Variants in NPIPB4 observed in about 807,000 individuals in gnomAD.
NPIPB4 encodes nuclear pore complex-interacting protein family member B4.
For synonymous variants in NPIPB4, 31 were observed against 194.1 expected (o/e 0.16, Z 6.99); for missense variants, 105 against 513.7 (o/e 0.20, Z 7.69).
intron 2 of NPIPB4, among the ~76,000 whole-genome samples, chr16:21,850,276 TAAATA>T (rs1331134461): frequency 6.8e-6 from 1 of 147,904 alleles, no homozygotes; most frequent in African/African-American, 2.4e-5. Flanking sequence ...AATAAATAAA[TAAATA>T]AAATAATGTA....
intron 5 of NPIPB4, among the ~76,000 whole-genome samples, chr16:21,843,164 C>T (rs1396242674): frequency 7.6e-6 from 1 of 130,870 alleles, no homozygotes; most frequent in Non-Finnish European, 1.6e-5. Context: ...AAACCAATGC[C>T]AGTACTAGCA....
In NPIPB4 at chr16:21,847,661, T is replaced by TGTAG. The variant is rs1408073908; in HGVS notation, c.121-121_121-120insCTAC. The TGTAG allele has an allele frequency of 2.1e-4, 181 of 861,026 alleles. 2 individuals are homozygous for TGTAG. Among genetic ancestry groups the TGTAG allele is most frequent in the Admixed American group, 8.1e-4 (29 of 35,944 alleles). 53.3% of individuals were successfully genotyped at this position (861,026 alleles called of 1,614,324 possible). On this transcript the variant is annotated intron_variant, in intron 2 of 7. Transcript: ENST00000682606. ...AAAAGGTAACCACATCCCTCAGATA[T>TGTAG]CACCGTGGGATTCCACTGCTACAAA...
intron 5 of NPIPB4, among the ~76,000 whole-genome samples, chr16:21,841,891 A>G (rs1358641177): frequency 6.6e-6 from 1 of 151,408 alleles, no homozygotes; most frequent in African/African-American, 2.4e-5. Flanking sequence ...GGGTCTGCCA[A>G]TGAAAGCGAC....
chr16:21,850,678 A>G (rs1902450731), intron 2 of NPIPB4, among the ~76,000 whole-genome samples: 1 of 119,618 alleles, frequency 8.4e-6, no homozygotes, highest in Non-Finnish European at 1.7e-5. Context: ...TCTAAAAAAA[A>G]AAAAAAAAAA....
At position 21,837,383 on chromosome 16, in the gene NPIPB4, G is replaced by A. The variant is rs778996315; in HGVS notation, c.1004C>T (p.Ala335Val). 3.6e-5 allele frequency: 51 copies of A among 1,423,810 alleles called. 7 individuals carry two copies. Among genetic ancestry groups the A allele is most frequent in the Middle Eastern group, 5.4e-4 (2 of 3,708 alleles). 88.2% of individuals were successfully genotyped at this position (1,423,810 alleles called of 1,614,324 possible). ...GGGAGGTGTCTTGAGTTTATCATCC[G>A]CTGAGGGTGGAAGGGGAGTGAGGAG... is the stretch of plus-strand genomic sequence containing the variant. ...ECLLTPLPPS[A>V]DDKLKTPPEC... The change falls in exon 8 of 8, where the codon GCG becomes GTG. Residue 335 changes from alanine to valine, a missense_variant. Physicochemically the swap from Ala to Val is moderately conservative, Grantham distance 64. Coordinates refer to ENST00000682606, the MANE Select transcript of NPIPB4 (RefSeq NM_001384980.1).
At chr16:21,850,639 T>C (rs1597919222) in intron 2 of NPIPB4, among the ~76,000 whole-genome samples, 1 of 42,634 alleles carries the variant, frequency 2.3e-5, no homozygotes, top group East Asian at 7.3e-4. Flanking sequence ...GCCACTGCAC[T>C]CCAGCCTGGG....
chr16:21,850,008 T>G (rs1254262825), intron 2 of NPIPB4, among the ~76,000 whole-genome samples: 3 of 51,534 alleles, frequency 5.8e-5, no homozygotes, highest in African/African-American at 1.8e-4. Context: ...ACGCCTGTAA[T>G]CCCAACGCTT....
Position 21,841,425 on chromosome 16 carries a change from TGTG to T in NPIPB4, c.545+1958_545+1960del, listed in dbSNP as rs1265607529. Reference sequence around the variant, plus strand: ...GTGGCCTCAAACAAGGAGTGTGTGGTGTGGTGCTGAGAATGCAATGGGAGCAGG... The same window carrying T: ...GTGGCCTCAAACAAGGAGTGTGTGGTGTGCTGAGAATGCAATGGGAGCAGG... On this transcript the variant is annotated intron_variant, in intron 5 of 7. Transcript: ENST00000682606. Among the ~76,000 whole-genome samples the T allele has an allele frequency of 2.3e-3, 283 of 123,306 alleles. 2 individuals carry two copies. The highest frequency in any genetic ancestry group is 8.1e-3 in the African/African-American group (271 of 33,378). 80.9% of individuals were successfully genotyped at this position (123,306 alleles called of 152,430 possible). A position where few individuals can be genotyped will look rare whatever the true frequency, so the allele number is the denominator to read the frequency against.
intron 5 of NPIPB4, among the ~76,000 whole-genome samples, chr16:21,840,415 C>T (rs1901663733): frequency 8.0e-6 from 1 of 124,544 alleles, no homozygotes; most frequent in Non-Finnish European, 1.7e-5. Flanking sequence ...CACATTCTTT[C>T]ACGCTTAGTT....
At chr16:21,850,504 C>T (rs1466078301) in intron 2 of NPIPB4, among the ~76,000 whole-genome samples, 5 of 151,766 alleles carry the variant, frequency 3.3e-5, no homozygotes, top group East Asian at 3.8e-4. Flanking sequence ...CAAAAATTAG[C>T]CAGGCGTGGT....
In NPIPB4 at chr16:21,836,467, G is replaced by C. The variant is rs1901490753; in HGVS notation, c.1920C>G (p.Leu640=). The C allele has an allele frequency of 7.1e-7, 1 of 1,407,516 alleles. No homozygotes were observed. The highest frequency in any genetic ancestry group is 1.7e-5 in the African/African-American group (1 of 59,422). 87.2% of individuals were successfully genotyped at this position (1,407,516 alleles called of 1,614,324 possible). ...GAGGGTGGAGCTGAGGGTGGAAGGGGAGTGAGCTGACGCTCGGAAGGTGTC... is the reference window on the plus strand; with the variant it reads ...GAGGGTGGAGCTGAGGGTGGAAGGGCAGTGAGCTGACGCTCGGAAGGTGTC... ...ISRHLPSVSS[L]PFHPQLHPQQ... is the part of the protein sequence containing the mutation. Residue 640 remains leucine, a synonymous_variant, in exon 8 of 8, where the codon CTC becomes CTG. Coordinates refer to ENST00000682606, the MANE Select transcript of NPIPB4 (RefSeq NM_001384980.1).
chr16:21,842,006 G>A (rs961431112), intron 5 of NPIPB4, among the ~76,000 whole-genome samples: 82 of 151,698 alleles, frequency 5.4e-4, no homozygotes, highest in South Asian at 1.5e-3. Flanking sequence ...AGCCTGCACC[G>A]ACGACTTCAA....
intron 2 of NPIPB4, among the ~76,000 whole-genome samples, chr16:21,850,391 G>T (rs1279751967): frequency 4.0e-5 from 6 of 151,496 alleles, no homozygotes; most frequent in Non-Finnish European, 8.8e-5. Context: ...GGTGGCTCAC[G>T]CCTGTAATCC....
chr16:21,847,689 AG>A, intron 2 of NPIPB4, 148 bp from the exon 3 acceptor site: 1 of 695,454 alleles, frequency 1.4e-6, no homozygotes, highest in Non-Finnish European at 2.1e-6. Flanking sequence ...GCTACAAAAA[AG>A]AACAGAAGTT....
chr16:21,840,526 C>A lies in NPIPB4; in HGVS notation c.546-1216G>T, dbSNP rs144531959. Among the ~76,000 whole-genome samples, 318 of 150,686 alleles carry A rather than the reference C, an allele frequency of 2.1e-3. 5 individuals carry two copies. The Middle Eastern group carries it at 0.024, about 12-fold the overall frequency. On this transcript the variant is annotated intron_variant, in intron 5 of 7. Coordinates refer to ENST00000682606, the MANE Select transcript of NPIPB4 (RefSeq NM_001384980.1). The stretch of plus-strand genomic sequence containing the variant: ...ATCTGAAGGCTGTGATTCAAAGATT[C>A]CCCCCTGCAACCTTCCCACAAATGA...
intron 5 of NPIPB4, among the ~76,000 whole-genome samples, chr16:21,840,426 T>C (rs1901665215): frequency 1.5e-5 from 2 of 135,638 alleles, no homozygotes; most frequent in Non-Finnish European, 3.2e-5. Flanking sequence ...ACGCTTAGTT[T>C]CCTCAGATTA....
intron 5 of NPIPB4, among the ~76,000 whole-genome samples, chr16:21,841,898 C>T (rs1196810575): frequency 3.3e-5 from 5 of 151,530 alleles, no homozygotes; most frequent in South Asian, 2.1e-4. Context: ...CCAATGAAAG[C>T]GACCCATACT....
rs1319753364 is a variant in NPIPB4, at chr16:21,836,362, G to C, written c.2025C>G (p.His675Gln). 3.1e-6 allele frequency: 2 copies of C among 645,248 alleles called. No homozygotes were observed. Among genetic ancestry groups the C allele is most frequent in the Admixed American group, 5.8e-5 (2 of 34,576 alleles). 40.0% of individuals were successfully genotyped at this position (645,248 alleles called of 1,614,324 possible). A position where few individuals can be genotyped will look rare whatever the true frequency, so the allele number is the denominator to read the frequency against. Residue 675 changes from histidine to glutamine, a missense_variant, in exon 8 of 8, where the codon CAC (histidine) becomes CAG (glutamine). By Grantham distance (24) the His-to-Gln change is conservative (BLOSUM62 0). Coordinates refer to ENST00000682606, the MANE Select transcript of NPIPB4 (RefSeq NM_001384980.1). ...FHHQPMIISR[H>Q]LPSVSSLPFH... ...AGGGGAGTGAGCTGACGCTCGGAAG[G>C]TGTCTTGAGATTATCATCGGCTGAT... is the stretch of plus-strand genomic sequence containing the variant.
chr16:21,850,528 T>C (rs541281182), intron 2 of NPIPB4, among the ~76,000 whole-genome samples: 51 of 151,342 alleles, frequency 3.4e-4, no homozygotes, highest in Non-Finnish European at 6.0e-4. Flanking sequence ...CTACTAAAAA[T>C]ACAAAAATTA....
Sources: gnomAD v4.1 joint callset for allele counts (sites outside exome capture counted in the v4.1 genomes callset) on GRCh38, gnomAD v4.1.1 for gene constraint, MANE v1.5 for transcripts, NCBI Gene and HGNC (gene_info 2026-07-23, HGNC 2026-07-21) for gene names.